Variants in RIPOR2 observed in about 807,000 individuals in gnomAD.
RIPOR2 encodes rho family-interacting cell polarization regulator 2.
A neutral mutation model predicts 114.5 loss-of-function variants in RIPOR2; 39 were observed. That is an observed-to-expected ratio of 0.34 (90% CI 0.26 to 0.44). RIPOR2 has a LOEUF of 0.44. Among genes scored for constraint, RIPOR2 ranks in the 20% least tolerant of loss-of-function variants. RIPOR2 has a pLI of 1.00. For synonymous variants in RIPOR2, 445 were observed against 484.4 expected, an observed-to-expected ratio of 0.92 and a Z score of 1.07; for missense variants, 1,007 against 1,255.1, an observed-to-expected ratio of 0.80 and a Z score of 2.99.
chr6:24,948,173 T>C (rs904138805), intron 1 of RIPOR2: 2 of 152,230 alleles, frequency 1.3e-5, no homozygotes, highest in African/African-American at 2.4e-5. Flanking sequence ...ACCAATGATA[T>C]TGAAGCTATG....
chr6:24,824,091 C>T (rs1476826624), intron 19 of RIPOR2, among the ~76,000 whole-genome samples: 1 of 152,218 alleles, frequency 6.6e-6, no homozygotes. Flanking sequence ...ATTTCGAACA[C>T]TGGCCCCTCA....
chr6:24,849,763 G>A (rs1762672970), intron 11 of RIPOR2, 39 bp downstream of exon 11: 1 of 1,564,934 alleles, frequency 6.4e-7, no homozygotes, highest in Non-Finnish European at 8.8e-7. Flanking sequence ...GCCGGTATCA[G>A]ATATTTCTAT....
intron 1 of RIPOR2, among the ~76,000 whole-genome samples, chr6:24,998,104 T>C (rs2113638795): frequency 6.6e-6 from 1 of 152,252 alleles, no homozygotes; most frequent in East Asian, 1.9e-4. Context: ...GATTTTCAGA[T>C]GTAAATTAGC....
chr6:24,934,056 T>G (rs1283914656), intron 1 of RIPOR2, among the ~76,000 whole-genome samples: 1 of 152,164 alleles, frequency 6.6e-6, no homozygotes, highest in Non-Finnish European at 1.5e-5. Flanking sequence ...TTAAGTATCA[T>G]AGCCAGATGT....
At chr6:24,845,745 A>T (rs1348711277) in intron 12 of RIPOR2, among the ~76,000 whole-genome samples, 1 of 152,228 alleles carries the variant, frequency 6.6e-6, no homozygotes, top group Non-Finnish European at 1.5e-5. Context: ...GGATGACATC[A>T]TGAGGGAAGG....
At chr6:24,844,202 A>G (rs1033934042) in intron 12 of RIPOR2, among the ~76,000 whole-genome samples, 2 of 152,354 alleles carry the variant, frequency 1.3e-5, no homozygotes, top group African/African-American at 4.8e-5. Flanking sequence ...GGCAAACCCC[A>G]GGGCTCTCAG....
intron 18 of RIPOR2, 93 bp from the exon 19 acceptor site, chr6:24,825,521 G>T: frequency 1.2e-6 from 1 of 845,964 alleles, no homozygotes; most frequent in Non-Finnish European, 1.9e-6. Flanking sequence ...ACATAAGAAA[G>T]TATAGTATAG....
In RIPOR2 at chr6:24,869,316, ATTTT is replaced by A. The variant is rs56329568; in HGVS notation, c.448-173_448-170del. On this transcript the variant is annotated intron_variant, in intron 5 of 21. Transcript: ENST00000643898. ...TAGAGATTCTCTAATACCAATTTGG[ATTTT>A]TTTTTTTTTTTTTTGAGATGAAGTT... Among the ~76,000 whole-genome samples the A allele has an allele frequency of 3.8e-3, 518 of 135,032 alleles. 2 individuals carry two copies. Among genetic ancestry groups the A allele is most frequent in the African/African-American group, 0.01 (372 of 35,922 alleles). The allele number at this position is 135,032 out of a possible 152,430, so 88.6% of individuals were successfully genotyped here.
In RIPOR2 at chr6:24,842,962, G is replaced by A. The variant is rs189463989; in HGVS notation, c.1757C>T (p.Ala586Val). The change falls in exon 13 of 22, where the codon GCT becomes GTT. Residue 586 changes from alanine (A) to valine (V), a missense_variant. Transcript: ENST00000643898. ...TAATGCAAGTAAAAGCCCATTAAAA[G>A]CATCCTCTAAGCTTCCATCTAGAAA... The part of the protein sequence containing the change: ...RSFLDGSLED[A>V]FNGLLLALEP... 1,142 of 1,533,832 alleles carry A rather than the reference G, an allele frequency of 7.4e-4. 1 individual carries two copies. The highest frequency in any genetic ancestry group is 6.0e-4 in the Non-Finnish European group (688 of 1,142,034).
At chr6:24,993,075 A>G (rs7771790) in intron 1 of RIPOR2, among the ~76,000 whole-genome samples, 151,084 of 152,330 alleles carry the variant, frequency 0.99, 74,927 homozygotes, top group East Asian at 1. Context: ...TTTCTGTCAG[A>G]TCAATAGTAA....
chr6:24,889,337 G>C (rs1447360019), intron 1 of RIPOR2, among the ~76,000 whole-genome samples: 1 of 152,162 alleles, frequency 6.6e-6, no homozygotes, highest in African/African-American at 2.4e-5. Context: ...TTTTGAATAA[G>C]AAATTCACCC....
rs1300473082 is a variant in RIPOR2, at chr6:25,023,248, C to T, written c.76+18603G>A. 60 of 707,940 alleles carry T rather than the reference C, an allele frequency of 8.5e-5. No individual in the cohort carries two copies. The East Asian group carries it at 1.7e-3, about 20-fold the overall frequency. The allele number at this position is 707,940 out of a possible 1,614,324, so 43.9% of individuals were successfully genotyped here. ...CTCCAGCTCCTCATTGTACAGGGGT[C>T]TATTTGGCAGTGACCTTGCTCTGCA... is the stretch of plus-strand genomic sequence containing the variant. On this transcript the variant is annotated intron_variant, in intron 1 of 13. Transcript: ENST00000510784.
intron 7 of RIPOR2, among the ~76,000 whole-genome samples, 190 bp from the exon 8 acceptor site, chr6:24,861,226 G>A (rs1764041571): frequency 6.6e-6 from 1 of 152,188 alleles, no homozygotes; most frequent in African/African-American, 2.4e-5. Context: ...ACCTTTTAGT[G>A]TACAGGAAAT....
intron 1 of RIPOR2, among the ~76,000 whole-genome samples, chr6:24,942,275 G>A (rs1045213476): frequency 2.0e-5 from 3 of 152,116 alleles, no homozygotes; most frequent in Admixed American, 1.3e-4. Flanking sequence ...AGATCTTACC[G>A]AGTTGATACT....
At chr6:24,894,835 C>T (rs1193302801) in intron 1 of RIPOR2, among the ~76,000 whole-genome samples, 1 of 152,146 alleles carries the variant, frequency 6.6e-6, no homozygotes, top group South Asian at 2.1e-4. Context: ...CACACCTATA[C>T]TCTTAGGGTT....
At chr6:24,948,698 A>C (rs758628080) in intron 1 of RIPOR2, among the ~76,000 whole-genome samples, 1 of 151,894 alleles carries the variant, frequency 6.6e-6, no homozygotes, top group Non-Finnish European at 1.5e-5. Flanking sequence ...CATCCAGCTA[A>C]TTTTGTATTT....
intron 1 of RIPOR2, among the ~76,000 whole-genome samples, chr6:24,987,755 A>C (rs1313583034): frequency 6.6e-6 from 1 of 152,228 alleles, no homozygotes; most frequent in East Asian, 1.9e-4. Context: ...CATATGGCAT[A>C]TACCACATGG....
intron 8 of RIPOR2, among the ~76,000 whole-genome samples, chr6:24,855,160 GTAGAAT>G (rs1488771298): frequency 2.6e-5 from 4 of 151,966 alleles, no homozygotes; most frequent in Admixed American, 2.0e-4. Context: ...CTCTGGTAGG[GTAGAAT>G]TAAGGAGAAA....
At chr6:24,808,238 A>G (rs148803291) in intron 21 of RIPOR2, among the ~76,000 whole-genome samples, 2 of 152,332 alleles carry the variant, frequency 1.3e-5, no homozygotes, top group Non-Finnish European at 2.9e-5. Context: ...GCACAGCTCC[A>G]GTGAGGCCCG....
Sources: allele counts gnomAD v4.1 joint callset (sites outside exome capture counted in the v4.1 genomes callset), GRCh38; gene constraint gnomAD v4.1.1; transcripts MANE v1.5; gene names NCBI Gene and HGNC (gene_info 2026-07-23, HGNC 2026-07-21).